The following COG7 variants were observed in gnomAD, a reference collection of about 807,000 sequenced individuals.
COG7 encodes the protein conserved oligomeric Golgi complex subunit 7.
A neutral mutation model predicts 91.5 loss-of-function variants in COG7; 49 were observed. That is an observed-to-expected ratio of 0.54 (90% confidence interval 0.43 to 0.68). The LOEUF (loss-of-function observed/expected upper bound fraction) is 0.68, where lower values mean the gene tolerates loss of function less well. Ranked by LOEUF, COG7 falls within the 30% of genes least tolerant of loss-of-function variation. The pLI is 0.00. For missense variants in COG7, 895 were observed against 961.3 expected, an observed-to-expected ratio of 0.93 and a Z score of 0.91; for synonymous variants, 365 against 388.7, an observed-to-expected ratio of 0.94 and a Z score of 0.72.
chr16:23,394,503 T>C (rs1963252708), intron 14 of COG7, among the ~76,000 whole-genome samples: 1 of 152,150 alleles, frequency 6.6e-6, no homozygotes, highest in Non-Finnish European at 1.5e-5. Context: ...TCTTTCTGCC[T>C]GTTGTTGTTT....
At chr16:23,432,098 G>C (rs1478286987) in intron 6 of COG7, among the ~76,000 whole-genome samples, 5 of 152,084 alleles carry the variant, frequency 3.3e-5, no homozygotes, top group Admixed American at 3.3e-4. Flanking sequence ...AGTGAGCCAT[G>C]ATCATGCCAC....
intron 12 of COG7, among the ~76,000 whole-genome samples, chr16:23,405,197 G>T (rs541894555): frequency 1.3e-5 from 2 of 152,276 alleles, no homozygotes; most frequent in Admixed American, 1.3e-4. Flanking sequence ...AAACCAGGAG[G>T]GAACACCAAT....
chr16:23,406,365 G>T, intron 11 of COG7, 103 bp from the exon 12 acceptor site: 1 of 1,003,410 alleles, frequency 1.0e-6, no homozygotes, highest in Non-Finnish European at 1.5e-6. Context: ...TAATCCTCAT[G>T]AGACAGACTG....
chr16:23,394,628 C>G (rs1555491873), intron 14 of COG7, among the ~76,000 whole-genome samples: 1 of 151,998 alleles, frequency 6.6e-6, no homozygotes, highest in Non-Finnish European at 1.5e-5. Flanking sequence ...TGGCCTCACA[C>G]ATGTCTACGT....
rs1299311036 is a variant in COG7 at position 23,424,975 on chromosome 16, T to C, written c.811-28A>G. 1.9e-6 allele frequency: 3 copies of C among 1,568,620 alleles called. No individual in the cohort carries two copies. In the African/African-American group the frequency reaches 4.1e-5, roughly 21 times the overall value. ...GCAGTGAGAGAGAGGTGTACCTGCC[T>C]TAGCACATGGAGCCAAATAGGAGCC... On this transcript the variant is annotated intron_variant, in intron 6 of 16. Coordinates refer to ENST00000307149, the MANE Select transcript of COG7 (RefSeq NM_153603.4).
intron 5 of COG7, 41 bp downstream of exon 5, chr16:23,434,595 A>T (rs763355219): frequency 1.4e-6 from 2 of 1,401,722 alleles, no homozygotes; most frequent in Admixed American, 3.4e-5. Context: ...AGTTATGAGC[A>T]TTCCACAACT....
At position 23,453,091 on chromosome 16, in the gene COG7, C is replaced by G. The variant is rs570393919; in HGVS notation, c.-97G>C. ...GAGCGAGCCTGCGAGAGCACCGAGG[C>G]TAGCCTCCGAGGCGAACCCCAGAAA... On this transcript the variant is annotated 5_prime_UTR_variant, in exon 1 of 17. Coordinates refer to ENST00000307149, the MANE Select transcript of COG7 (RefSeq NM_153603.4). 2.3e-5 allele frequency: 36 copies of G among 1,573,928 alleles called. No homozygotes were observed. The highest frequency in any genetic ancestry group is 3.0e-5 in the Non-Finnish European group (35 of 1,158,074).
At chr16:23,430,715 A>G (rs1198549270) in intron 6 of COG7, among the ~76,000 whole-genome samples, 4 of 151,696 alleles carry the variant, frequency 2.6e-5, no homozygotes, top group Non-Finnish European at 5.9e-5. Context: ...CTAATTTTGT[A>G]TTTTTAGTAG....
At chr16:23,399,820 A>G (rs1344956590) in intron 13 of COG7, among the ~76,000 whole-genome samples, 2 of 152,198 alleles carry the variant, frequency 1.3e-5, no homozygotes, top group African/African-American at 2.4e-5. Flanking sequence ...GAAACTTACC[A>G]TTCAAAAATG....
intron 4 of COG7, among the ~76,000 whole-genome samples, chr16:23,437,511 A>G (rs1476917179): frequency 6.6e-6 from 1 of 152,206 alleles, no homozygotes; most frequent in Non-Finnish European, 1.5e-5. Flanking sequence ...CTCAAAATAA[A>G]GAATTAACAA....
At chr16:23,412,940 C>A in intron 10 of COG7, 1 of 164,694 alleles carries the variant, frequency 6.1e-6, no homozygotes, top group Non-Finnish European at 1.3e-5. Context: ...CCCGCCTCAG[C>A]CTCCCAAAGT....
rs763701462 is a variant in COG7 at position 23,453,044 on chromosome 16, G to A, written c.-50C>T. ...TCCAGAACTTAAGAGTTGGCTCCGGGCGGCAACGGGGATGCAGAAGCGAGC... is the reference window on the plus strand; with the variant it reads ...TCCAGAACTTAAGAGTTGGCTCCGGACGGCAACGGGGATGCAGAAGCGAGC... On this transcript the variant is annotated 5_prime_UTR_variant, in exon 1 of 17. Transcript: ENST00000307149. 1.2e-6 allele frequency: 2 copies of A among 1,611,070 alleles called. No homozygotes were observed. The highest frequency in any genetic ancestry group is 1.7e-5 in the Admixed American group (1 of 59,858).
intron 1 of COG7, 98 bp downstream of exon 1, chr16:23,452,728 G>A (rs1964283937): frequency 2.6e-6 from 4 of 1,513,298 alleles, no homozygotes; most frequent in Non-Finnish European, 3.5e-6. Flanking sequence ...TGCTGTCCAT[G>A]CGTGCCCCGC....
chr16:23,434,887 C>T (rs150768402), intron 4 of COG7, among the ~76,000 whole-genome samples, 169 bp from the exon 5 acceptor site: 19 of 152,232 alleles, frequency 1.2e-4, no homozygotes, highest in Non-Finnish European at 1.6e-4. Flanking sequence ...ATAAGCATGA[C>T]GTGAAAACCA....
chr16:23,419,524 G>C (rs565814906), intron 7 of COG7, among the ~76,000 whole-genome samples: 1 of 151,376 alleles, frequency 6.6e-6, no homozygotes, highest in Admixed American at 6.6e-5. Flanking sequence ...GGAGGTGGGC[G>C]TATCACCTGA....
In COG7 at chr16:23,433,556, A is replaced by G; in HGVS notation, c.799T>C (p.Trp267Arg). The G allele has an allele frequency of 6.2e-7, 1 of 1,613,960 alleles. No homozygotes were observed. The highest frequency in any genetic ancestry group is 1.1e-5 in the South Asian group (1 of 91,068). Reference protein sequence around the residue: ...LLGAWHTQIQWATQVFQKPHE... With the variant: ...LLGAWHTQIQRATQVFQKPHE... Reference sequence around the variant, plus strand: ...AAATGAGCTGTTACCTGTGTAGCCCACTGGATTTGTGTGTGCCAAGCACCA... The same window carrying G: ...AAATGAGCTGTTACCTGTGTAGCCCGCTGGATTTGTGTGTGCCAAGCACCA... Residue 267 changes from tryptophan (W) to arginine (R), a missense_variant, in exon 6 of 17, where the codon TGG (tryptophan) becomes CGG (arginine). Transcript: ENST00000307149.
chr16:23,432,308 T>G (rs1963947104), intron 6 of COG7, among the ~76,000 whole-genome samples: 1 of 152,170 alleles, frequency 6.6e-6, no homozygotes, highest in African/African-American at 2.4e-5. Flanking sequence ...AAATGACTGA[T>G]GAACATCTGA....
Position 23,424,731 on chromosome 16 carries a change from G to A in COG7, c.1009+18C>T. The A allele has an allele frequency of 6.2e-7, 1 of 1,613,166 alleles. No homozygotes were observed. On this transcript the variant is annotated intron_variant, in intron 7 of 16. Transcript: ENST00000307149. Reference sequence around the variant, plus strand: ...CGAGTAAAGACAAGCTAGAGAACTGGCAGGAAGGAATGTTTACGTAGGTGG... The same window carrying A: ...CGAGTAAAGACAAGCTAGAGAACTGACAGGAAGGAATGTTTACGTAGGTGG...
chr16:23,399,283 C>T (rs1963336654), intron 13 of COG7, among the ~76,000 whole-genome samples: 1 of 152,118 alleles, frequency 6.6e-6, no homozygotes, highest in African/African-American at 2.4e-5. Flanking sequence ...TGCCCCCAAC[C>T]CTTGTCCTAC....
Sources: allele counts gnomAD v4.1 joint callset (sites outside exome capture counted in the v4.1 genomes callset), GRCh38; gene constraint gnomAD v4.1.1; transcripts MANE v1.5; gene names NCBI Gene and HGNC (gene_info 2026-07-23, HGNC 2026-07-21).